The following CACNA2D3 variants were observed in gnomAD, a reference collection of about 807,000 sequenced individuals.
The protein encoded by CACNA2D3 is calcium voltage-gated channel auxiliary subunit alpha2delta 3, also known as voltage-dependent calcium channel subunit alpha-2/delta-3.
Under a neutral mutation model 160.6 loss-of-function variants are expected in CACNA2D3, and 60 were observed. That is an observed-to-expected ratio of 0.37 (90% CI 0.30 to 0.46). The LOEUF is 0.46. Ranked by LOEUF, CACNA2D3 falls within the 20% of genes least tolerant of loss-of-function variation. CACNA2D3 has a pLI of 1.00. For missense variants in CACNA2D3, 1,205 were observed against 1,365.0 expected (o/e 0.88, Z 1.85); for synonymous variants, 558 against 492.9 (o/e 1.13, Z -1.75).
intron 4 of CACNA2D3, among the ~76,000 whole-genome samples, chr3:54,459,014 C>T (rs1700450389): frequency 6.6e-6 from 1 of 151,992 alleles, no homozygotes; most frequent in East Asian, 1.9e-4. Context: ...TGAGTGAGAA[C>T]ATGCGGTGTT....
chr3:54,952,315 G>A (rs962024755), intron 27 of CACNA2D3, among the ~76,000 whole-genome samples: 2 of 152,122 alleles, frequency 1.3e-5, no homozygotes, highest in African/African-American at 4.8e-5. Flanking sequence ...ATCTCTCTGG[G>A]GCCCTGCCTA....
chr3:54,369,827 A>G (rs1698892867), intron 3 of CACNA2D3, among the ~76,000 whole-genome samples: 1 of 152,162 alleles, frequency 6.6e-6, no homozygotes. Context: ...TCTTATTTGA[A>G]GTCTGGCAAA....
intron 4 of CACNA2D3, among the ~76,000 whole-genome samples, chr3:54,457,611 G>C (rs180755921): frequency 5.2e-4 from 79 of 151,750 alleles, no homozygotes; most frequent in Non-Finnish European, 8.1e-4. Context: ...TTTTTTTATT[G>C]ATTTTCTGTA....
chr3:54,366,682 G>A (rs1377026671), intron 3 of CACNA2D3, among the ~76,000 whole-genome samples: 1 of 152,140 alleles, frequency 6.6e-6, no homozygotes, highest in East Asian at 1.9e-4. Context: ...CTTTGAGAAG[G>A]GCCTATGCAT....
intron 11 of CACNA2D3, among the ~76,000 whole-genome samples, chr3:54,741,783 G>C (rs1157914570): frequency 6.6e-6 from 1 of 152,026 alleles, no homozygotes; most frequent in Non-Finnish European, 1.5e-5. Context: ...AACCTTGATA[G>C]CCAGTGAGAT....
At chr3:54,525,087 T>C (rs1701704860) in intron 5 of CACNA2D3, among the ~76,000 whole-genome samples, 8 of 152,158 alleles carry the variant, frequency 5.3e-5, no homozygotes, top group Admixed American at 5.2e-4. Flanking sequence ...GTCATATGTA[T>C]ATACATATAA....
chr3:54,863,456 G>T (rs9866252), intron 17 of CACNA2D3, among the ~76,000 whole-genome samples: 6 of 151,918 alleles, frequency 3.9e-5, no homozygotes, highest in African/African-American at 1.5e-4. Context: ...TTGCCGGCAC[G>T]AAAGGTTCCT....
At chr3:54,323,351 C>G (rs1200543579) in intron 3 of CACNA2D3, among the ~76,000 whole-genome samples, 1 of 152,152 alleles carries the variant, frequency 6.6e-6, no homozygotes, top group African/African-American at 2.4e-5. Flanking sequence ...TTATTTGTAG[C>G]CTTGCACTGG....
At chr3:54,583,095 T>C (rs1016900412) in intron 9 of CACNA2D3, among the ~76,000 whole-genome samples, 6 of 152,174 alleles carry the variant, frequency 3.9e-5, no homozygotes, top group African/African-American at 1.4e-4. Context: ...TCTAGAGACT[T>C]TCCCGTTGTT....
In CACNA2D3 at chr3:54,906,276, A is replaced by C. The variant is rs531644876; in HGVS notation, c.2449+6408A>C. ...AAGGAAGGAAGGATTGATTTCTAGT[A>C]GTGGTAAATACTCTCTAGAAATGGA... On this transcript the variant is annotated intron_variant, in intron 27 of 37. Transcript: ENST00000474759. Among the ~76,000 whole-genome samples the C allele has an allele frequency of 2.6e-5, 4 of 152,266 alleles. No homozygotes were observed. In the South Asian group the frequency reaches 8.3e-4, roughly 32 times the overall value.
intron 27 of CACNA2D3, among the ~76,000 whole-genome samples, chr3:54,955,355 G>A (rs1397375238): frequency 6.6e-6 from 1 of 152,116 alleles, no homozygotes; most frequent in Non-Finnish European, 1.5e-5. Context: ...GTCTGTCTGG[G>A]CTGGTGATGA....
intron 11 of CACNA2D3, among the ~76,000 whole-genome samples, chr3:54,652,354 A>G (rs1699786139): frequency 6.6e-6 from 1 of 152,196 alleles, no homozygotes; most frequent in Admixed American, 6.5e-5. Context: ...GGGGGCTAAG[A>G]CACCTCCAAT....
chr3:54,502,479 C>T (rs756641064), intron 4 of CACNA2D3, among the ~76,000 whole-genome samples: 57 of 152,210 alleles, frequency 3.7e-4, no homozygotes, highest in African/African-American at 4.8e-4. Context: ...TTGATTCTTT[C>T]ATAGAATATC....
chr3:54,741,627 C>A (rs1034392566), intron 11 of CACNA2D3, among the ~76,000 whole-genome samples: 2 of 151,796 alleles, frequency 1.3e-5, no homozygotes, highest in African/African-American at 4.8e-5. Flanking sequence ...TGTTATTTCA[C>A]CAGGCTCTGC....
intron 4 of CACNA2D3, among the ~76,000 whole-genome samples, chr3:54,464,475 A>G (rs556392491): frequency 3.9e-5 from 6 of 152,358 alleles, no homozygotes; most frequent in African/African-American, 1.4e-4. Context: ...AGCCTGGGCA[A>G]TGGCGAGCGC....
intron 17 of CACNA2D3, among the ~76,000 whole-genome samples, chr3:54,852,495 G>A (rs147850601): frequency 1.1e-4 from 16 of 152,234 alleles, no homozygotes; most frequent in African/African-American, 3.4e-4. Context: ...TCGCACCTCC[G>A]CTGGAATTTA....
intron 35 of CACNA2D3, among the ~76,000 whole-genome samples, chr3:55,067,915 A>T (rs1374234277): frequency 6.6e-6 from 1 of 152,216 alleles, no homozygotes; most frequent in Non-Finnish European, 1.5e-5. Flanking sequence ...GATTGAATTC[A>T]TTTAAAGCAT....
At chr3:54,272,781 C>T (rs1702646297) in intron 2 of CACNA2D3, 1 of 152,214 alleles carries the variant, frequency 6.6e-6, no homozygotes, top group Non-Finnish European at 1.5e-5. Flanking sequence ...ACCCACACTC[C>T]TGAAAAGGGG....
intron 10 of CACNA2D3, among the ~76,000 whole-genome samples, chr3:54,631,921 G>A (rs1421074687): frequency 1.3e-5 from 2 of 152,034 alleles, no homozygotes; most frequent in Non-Finnish European, 2.9e-5. Flanking sequence ...AATAAAATTC[G>A]GTGACATTTC....
Sources: gnomAD v4.1 joint callset for allele counts (sites outside exome capture counted in the v4.1 genomes callset) on GRCh38, gnomAD v4.1.1 for gene constraint, MANE v1.5 for transcripts, NCBI Gene and HGNC (gene_info 2026-07-23, HGNC 2026-07-21) for gene names.